The following TMTC1 variants were observed in gnomAD, a reference collection of about 807,000 sequenced individuals.
TMTC1 encodes the protein transmembrane O-mannosyltransferase targeting cadherins 1, also known as protein O-mannosyl-transferase TMTC1.
In TMTC1, 73 loss-of-function variants were observed where a neutral mutation model predicts 104.8. That is an observed-to-expected ratio of 0.70 (90% CI 0.58 to 0.85). The LOEUF (loss-of-function observed/expected upper bound fraction) is 0.85, where lower values mean the gene tolerates loss of function less well. Among genes scored for constraint, TMTC1 ranks in the 40% least tolerant of loss-of-function variants. The pLI is 0.00. For synonymous variants in TMTC1, 434 were observed against 428.7 expected (o/e 1.01, Z -0.15); for missense variants, 1,035 against 1,096.1 (o/e 0.94, Z 0.79).
At position 29,528,260 on chromosome 12, in the gene TMTC1, C is replaced by T. The variant is rs61923865; in HGVS notation, c.1786-7540G>A. Among the ~76,000 whole-genome samples the T allele has an allele frequency of 1.6e-3, 236 of 152,188 alleles. 1 individual carries two copies. The highest frequency in any genetic ancestry group is 3.4e-3 in the Middle Eastern group (1 of 294). ...TCTAGTCTCTACTGACTTGTAAGTT[C>T]CAGAGGAAATGAATGTAAGCTATTT... On this transcript the variant is annotated intron_variant, in intron 11 of 17. Transcript: ENST00000539277.
At chr12:29,547,717 A>G (rs1944978119) in intron 10 of TMTC1, among the ~76,000 whole-genome samples, 1 of 152,150 alleles carries the variant, frequency 6.6e-6, no homozygotes, top group African/African-American at 2.4e-5. Context: ...AGTGAAGAAT[A>G]AGGAGGAAAG....
At chr12:29,575,831 A>AT in intron 8 of TMTC1, among the ~76,000 whole-genome samples, 1 of 152,224 alleles carries the variant, frequency 6.6e-6, no homozygotes, top group Non-Finnish European at 1.5e-5. Flanking sequence ...ATTGTTTTGC[A>AT]TAATGGCTGG....
At chr12:29,742,563 T>C (rs1942854940) in intron 5 of TMTC1, among the ~76,000 whole-genome samples, 1 of 152,220 alleles carries the variant, frequency 6.6e-6, no homozygotes, top group African/African-American at 2.4e-5. Context: ...GTCATCTATC[T>C]AAAAAGCTAG....
intron 5 of TMTC1, among the ~76,000 whole-genome samples, chr12:29,643,573 ATAT>A (rs1938994709): frequency 1.3e-5 from 1 of 78,394 alleles, no homozygotes; most frequent in African/African-American, 5.4e-5. Flanking sequence ...ATAATATATA[ATAT>A]ATGTCATATA....
chr12:29,613,593 T>C (rs1317831142), intron 6 of TMTC1, among the ~76,000 whole-genome samples: 1 of 152,222 alleles, frequency 6.6e-6, no homozygotes, highest in African/African-American at 2.4e-5. Flanking sequence ...AATCATTTTA[T>C]TCCCTCTCTA....
chr12:29,641,089 C>G (rs1056802794), intron 5 of TMTC1: 1 of 152,270 alleles, frequency 6.6e-6, no homozygotes, highest in Admixed American at 6.5e-5. Flanking sequence ...ACAGCAAGAC[C>G]CGCCCAAGGA....
At chr12:29,563,100 A>T (rs1164224504) in intron 9 of TMTC1, among the ~76,000 whole-genome samples, 1 of 152,218 alleles carries the variant, frequency 6.6e-6, no homozygotes, top group Non-Finnish European at 1.5e-5. Flanking sequence ...AAGGGCAAGT[A>T]ACCCTCTCCA....
At chr12:29,728,824 G>A (rs968382682) in intron 5 of TMTC1, among the ~76,000 whole-genome samples, 16 of 147,248 alleles carry the variant, frequency 1.1e-4, no homozygotes, top group Non-Finnish European at 2.4e-4. Context: ...TAATGAAACC[G>A]CCGTCCTACA....
intron 7 of TMTC1, among the ~76,000 whole-genome samples, chr12:29,602,589 T>A (rs1002166677): frequency 9.9e-5 from 15 of 152,190 alleles, no homozygotes; most frequent in African/African-American, 3.6e-4. Flanking sequence ...AGGGGCAGGC[T>A]GTGACCCACT....
In TMTC1 at chr12:29,737,664, T is replaced by C. The variant is rs116218458; in HGVS notation, c.938+14002A>G. On this transcript the variant is annotated intron_variant, in intron 5 of 17. Transcript: ENST00000539277. Reference sequence around the variant, plus strand: ...TCCTAAATGTCTCCAGAAAACACCATAAGGGCTTGACCTCTACAGCCTGGG... The same window carrying C: ...TCCTAAATGTCTCCAGAAAACACCACAAGGGCTTGACCTCTACAGCCTGGG... 3.3e-3 allele frequency among the ~76,000 whole-genome samples: 496 copies of C among 152,260 alleles called. 3 individuals are homozygous for C. The highest frequency in any genetic ancestry group is 0.011 in the African/African-American group (477 of 41,544).
chr12:29,712,024 A>T (rs1591961699), intron 5 of TMTC1, among the ~76,000 whole-genome samples: 1 of 150,648 alleles, frequency 6.6e-6, no homozygotes, highest in South Asian at 2.1e-4. Context: ...AAAAAAAAAA[A>T]AAAAAAAAAA....
At chr12:29,560,628 C>T (rs1945354103) in intron 9 of TMTC1, among the ~76,000 whole-genome samples, 1 of 152,038 alleles carries the variant, frequency 6.6e-6, no homozygotes, top group African/African-American at 2.4e-5. Flanking sequence ...AAAAAAATAA[C>T]AAAACATACA....
At chr12:29,712,962 C>T (rs762759745) in intron 5 of TMTC1, among the ~76,000 whole-genome samples, 3 of 151,980 alleles carry the variant, frequency 2.0e-5, no homozygotes, top group African/African-American at 4.8e-5. Flanking sequence ...CCAGGCTAGA[C>T]GTTGCTATGA....
intron 10 of TMTC1, among the ~76,000 whole-genome samples, chr12:29,545,145 GTT>G (rs34797952): frequency 2.0e-5 from 3 of 150,056 alleles, no homozygotes; most frequent in Non-Finnish European, 3.0e-5. Context: ...TCACAGATGG[GTT>G]TTTTTTTTTC....
chr12:29,755,825 C>A lies in TMTC1; in HGVS notation c.615G>T (p.Leu205Phe), dbSNP rs779107093. The part of the protein sequence containing the change: ...SFPSTVSPFF[L>F]LLSLFLGTCA... ...AGGTCCCCAGAAACAAACTGAGCAG[C>A]AAGAAGAAGGGAGACACCGTGGAAG... Residue 205 changes from leucine to phenylalanine, a missense_variant, in exon 4 of 18, where the codon TTG (leucine) becomes TTT (phenylalanine). By Grantham distance (22) the Leu-to-Phe change is conservative (BLOSUM62 0). Transcript: ENST00000539277. 1.9e-6 allele frequency: 3 copies of A among 1,614,044 alleles called. No homozygotes were observed. In the East Asian group the frequency reaches 6.7e-5, roughly 36 times the overall value.
intron 5 of TMTC1, among the ~76,000 whole-genome samples, chr12:29,725,089 C>T (rs1338313456): frequency 1.7e-5 from 2 of 120,074 alleles, no homozygotes; most frequent in Non-Finnish European, 1.6e-5. Flanking sequence ...GGCATGATTT[C>T]GGCTCACTGT....
At chr12:29,558,137 C>T (rs75996520) in intron 9 of TMTC1, among the ~76,000 whole-genome samples, 89 of 152,296 alleles carry the variant, frequency 5.8e-4, no homozygotes, top group African/African-American at 2.1e-3. Context: ...ATCTACACAG[C>T]TCCATAATTT....
chr12:29,527,404 G>A (rs1296010215), intron 11 of TMTC1, among the ~76,000 whole-genome samples: 4 of 152,216 alleles, frequency 2.6e-5, no homozygotes, highest in Non-Finnish European at 5.9e-5. Flanking sequence ...CAAGAAGGAG[G>A]CAATAATGTA....
intron 11 of TMTC1, among the ~76,000 whole-genome samples, chr12:29,521,564 TTC>T (rs1320047095): frequency 0.37 from 41,308 of 112,954 alleles, 6,595 homozygotes; most frequent in Non-Finnish European, 0.43. Context: ...TTTTCTTTCT[TTC>T]TTTTTTTTTT....
Sources: gnomAD v4.1 joint callset for allele counts (sites outside exome capture counted in the v4.1 genomes callset) on GRCh38, gnomAD v4.1.1 for gene constraint, MANE v1.5 for transcripts, NCBI Gene and HGNC (gene_info 2026-07-23, HGNC 2026-07-21) for gene names.